Variants in FARSA observed in about 807,000 individuals in gnomAD.
FARSA encodes phenylalanyl-tRNA synthetase subunit alpha.
FARSA carries 37 observed loss-of-function variants against 63.2 expected under a neutral mutation model. That is an observed-to-expected ratio of 0.59 (90% CI 0.45 to 0.77). The LOEUF (loss-of-function observed/expected upper bound fraction) is 0.77. Ranked by LOEUF, FARSA falls within the 30% of genes least tolerant of loss-of-function variation. The pLI, the probability that FARSA is intolerant of heterozygous loss-of-function variation, is 0.00. For missense variants in FARSA, 618 were observed against 696.6 expected (o/e 0.89, Z 1.27); for synonymous variants, 312 against 285.1 (o/e 1.09, Z -0.95).
intron 4 of FARSA, among the ~76,000 whole-genome samples, chr19:12,929,799 G>A (rs1021746734): frequency 1.3e-5 from 2 of 152,228 alleles, no homozygotes; most frequent in Admixed American, 6.5e-5. Context: ...TTTGTCCTGT[G>A]AGAGGACGGC....
At chr19:12,929,573 G>T (rs942093001) in intron 4 of FARSA, among the ~76,000 whole-genome samples, 1 of 152,176 alleles carries the variant, frequency 6.6e-6, no homozygotes. Flanking sequence ...GGATTCAAGT[G>T]ATCCTAACAC....
At chr19:12,928,988 ATCC>A (rs1971361209) in intron 4 of FARSA, 141 bp from the exon 5 acceptor site, 3 of 743,432 alleles carry the variant, frequency 4.0e-6, no homozygotes, top group Admixed American at 2.0e-5. Context: ...ACTACCTGAA[ATCC>A]TCCTATGTGA....
At position 12,930,744 on chromosome 19, in the gene FARSA, G is replaced by A. The variant is rs373756496; in HGVS notation, c.153C>T (p.Ile51=). ...VKSLQALGEV[I]EAELRSTKHW... ...GCTTGGTGGACCGAAGTTCAGCCTC[G>A]ATGACCTAGAGGGAAATGTGGGGAG... The change falls in exon 2 of 13, where the codon ATC becomes ATT. Residue 51 remains isoleucine (I), a synonymous_variant. Transcript: ENST00000314606. 25 of 1,607,028 alleles carry A rather than the reference G, an allele frequency of 1.6e-5. No individual in the cohort carries two copies. In the African/African-American group the frequency reaches 2.4e-4, roughly 15 times the overall value.
chr19:12,927,973 G>A (rs1033469643), intron 7 of FARSA, among the ~76,000 whole-genome samples: 1 of 133,672 alleles, frequency 7.5e-6, no homozygotes, highest in African/African-American at 2.8e-5. Context: ...AGCGAGCCAA[G>A]ATCATGCCAC....
In FARSA at chr19:12,922,847, C is replaced by G; in HGVS notation, c.1428G>C (p.Glu476Asp). ...GCAGGTTCACCTTGTGGCCCACCAG[C>G]TCCCGGATATTGTTGATGCCATATT... ...MIKYGINNIR[E>D]LVGHKVNLQM... Residue 476 changes from glutamate to aspartate, a missense_variant, in exon 13 of 13, where the codon GAG becomes GAC. By Grantham distance (45) the Glu-to-Asp change is conservative. Coordinates refer to ENST00000314606, the MANE Select transcript of FARSA (RefSeq NM_004461.3). The G allele has an allele frequency of 6.2e-7, 1 of 1,614,138 alleles. No homozygotes were observed. The highest frequency in any genetic ancestry group is 8.5e-7 in the Non-Finnish European group (1 of 1,180,014).
At position 12,928,872 on chromosome 19, in the gene FARSA, C is replaced by T. The variant is rs374498860; in HGVS notation, c.504-25G>A. On this transcript the variant is annotated intron_variant, in intron 4 of 12. Coordinates refer to ENST00000314606, the MANE Select transcript of FARSA (RefSeq NM_004461.3). ...CCTGTGGCCAGGGGAAGGAAGGGGA[C>T]GCCACTGCCATCTCCTCCTAGAGGA... 36 of 1,603,126 alleles carry T rather than the reference C, an allele frequency of 2.2e-5. No individual in the cohort carries two copies. The African/African-American group carries it at 3.5e-4, about 15-fold the overall frequency.
At position 12,924,929 on chromosome 19, in the gene FARSA, C is replaced by T. The variant is rs773702821; in HGVS notation, c.1001G>A (p.Arg334His). ...LRTHTTSASA[R>H]ALYRLAQKKP... ...CTTCTGGGCAAGGCGGTAGAGCGCACGGGCGCTGGCTGATGTGGTGTGGGT... is the reference window on the plus strand; with the variant it reads ...CTTCTGGGCAAGGCGGTAGAGCGCATGGGCGCTGGCTGATGTGGTGTGGGT... Residue 334 changes from arginine (R) to histidine (H), a missense_variant, in exon 9 of 13, where the codon CGT becomes CAT. Transcript: ENST00000314606. The surrounding 1 kb of genome is among the most constrained non-coding windows in gnomAD (Gnocchi z 6.4). The T allele has an allele frequency of 6.8e-6, 11 of 1,614,130 alleles. No homozygotes were observed. The highest frequency in any genetic ancestry group is 4.5e-5 in the East Asian group (2 of 44,902).
chr19:12,926,553 G>T (rs142251002), intron 7 of FARSA, among the ~76,000 whole-genome samples: 1 of 152,072 alleles, frequency 6.6e-6, no homozygotes, highest in South Asian at 2.1e-4. Flanking sequence ...GATTACAGGC[G>T]TGAGCCACCG....
intron 7 of FARSA, 29 bp from the exon 8 acceptor site, chr19:12,925,203 G>A (rs1792669233): frequency 2.0e-6 from 3 of 1,530,908 alleles, no homozygotes; most frequent in Non-Finnish European, 2.7e-6. Flanking sequence ...CATCAGGTCA[G>A]TCAACGAGCA....
At chr19:12,932,343 C>T (rs1599654669) in intron 1 of FARSA, among the ~76,000 whole-genome samples, 1 of 152,102 alleles carries the variant, frequency 6.6e-6, no homozygotes. Context: ...ATTCTAATTA[C>T]TATAATTATT....
chr19:12,924,302 T>C lies in FARSA; in HGVS notation c.1274-37A>G. The C allele has an allele frequency of 6.3e-7, 1 of 1,586,890 alleles. No homozygotes were observed. Among genetic ancestry groups the C allele is most frequent in the Non-Finnish European group, 8.7e-7 (1 of 1,156,060 alleles). On this transcript the variant is annotated intron_variant, in intron 11 of 12. Coordinates refer to ENST00000314606, the MANE Select transcript of FARSA (RefSeq NM_004461.3). This position sits in a 1 kb window ranked among gnomAD's most constrained non-coding sequence, Gnocchi z 6.4. ...GGACAGAAAAGACGGGCAGTGCGTG[T>C]TGAGTTTCTGGGCACTGCTGGTACA...
chr19:12,930,797 G>A lies in FARSA; in HGVS notation c.148-48C>T, dbSNP rs1480749506. 6 of 1,598,692 alleles carry A rather than the reference G, an allele frequency of 3.8e-6. No homozygotes were observed. In the South Asian group the frequency reaches 6.6e-5, roughly 18 times the overall value. On this transcript the variant is annotated intron_variant, in intron 1 of 12. Transcript: ENST00000314606. ...TGTCCAGGCAGGGGTGAGGCTCAGA[G>A]CCAGGCACCCCCTTTCTGCAGCGCT... is the stretch of plus-strand genomic sequence containing the variant.
At position 12,926,276 on chromosome 19, in the gene FARSA, AT is replaced by A. The variant is rs757037221; in HGVS notation, c.842-1103del. On this transcript the variant is annotated intron_variant, in intron 7 of 12. Coordinates refer to ENST00000314606, the MANE Select transcript of FARSA (RefSeq NM_004461.3). ...TATTTTTTTTTTTTAAAGGGACAAA[AT>A]TTTTTTTTTTTTTAGACGGAGTCTC... Among the ~76,000 whole-genome samples the A allele has an allele frequency of 7.7e-3, 679 of 88,466 alleles. 6 individuals are homozygous for A. Among genetic ancestry groups the A allele is most frequent in the African/African-American group, 0.017 (393 of 22,726 alleles). The allele number at this position is 88,466 out of a possible 152,430, so 58.0% of individuals were successfully genotyped here. A position where few individuals can be genotyped will look rare whatever the true frequency, so the allele number is the denominator to read the frequency against.
intron 7 of FARSA, among the ~76,000 whole-genome samples, chr19:12,925,718 G>C (rs1971318782): frequency 6.9e-6 from 1 of 145,676 alleles, no homozygotes; most frequent in Non-Finnish European, 1.5e-5. Context: ...CTGTTGCCCA[G>C]GCTGGAGTGC....
chr19:12,928,968 G>A, intron 4 of FARSA, 121 bp from the exon 5 acceptor site: 1 of 843,108 alleles, frequency 1.2e-6, no homozygotes, highest in South Asian at 1.4e-5. Flanking sequence ...TTTCCATCCT[G>A]ACATTTATCA....
chr19:12,926,090 T>G (rs1349743436), intron 7 of FARSA, among the ~76,000 whole-genome samples: 1 of 151,452 alleles, frequency 6.6e-6, no homozygotes, highest in Non-Finnish European at 1.5e-5. Flanking sequence ...TGCCTCAGCC[T>G]CCTGAATAGA....
At chr19:12,928,951 T>C in intron 4 of FARSA, 104 bp from the exon 5 acceptor site, 4 of 981,380 alleles carry the variant, frequency 4.1e-6, no homozygotes, top group Admixed American at 3.5e-5. Flanking sequence ...CAAGTCACTC[T>C]GCTTTATTTC....
At chr19:12,928,731 CCT>C in intron 5 of FARSA, 22 bp downstream of exon 5, 1 of 1,614,164 alleles carries the variant, frequency 6.2e-7, no homozygotes, top group Non-Finnish European at 8.5e-7. Flanking sequence ...TCCCACCTGC[CCT>C]GACCCTGGGG....
intron 4 of FARSA, 97 bp from the exon 5 acceptor site, chr19:12,928,944 G>T: frequency 9.6e-7 from 1 of 1,036,532 alleles, no homozygotes; most frequent in Non-Finnish European, 1.5e-6. Flanking sequence ...TACCTACCAA[G>T]TCACTCTGCT....
Sources: allele counts gnomAD v4.1 joint callset (sites outside exome capture counted in the v4.1 genomes callset), GRCh38; gene constraint gnomAD v4.1.1; non-coding constraint Gnocchi (gnomAD v3.1); transcripts MANE v1.5; gene names NCBI Gene and HGNC (gene_info 2026-07-23, HGNC 2026-07-21).